PHF20: variants seen among roughly 807,000 people sequenced by gnomAD.
PHF20 encodes the protein glioma-expressed antigen 2.
Under a neutral mutation model 113.5 loss-of-function variants are expected in PHF20, and 23 were observed. The observed-to-expected ratio is 0.20, with a 90% CI of 0.15 to 0.29. The LOEUF is 0.29. PHF20 is among the 10% of genes least tolerant of loss of function. The pLI is 1.00. For missense variants in PHF20, 943 were observed against 1,219.6 expected, an observed-to-expected ratio of 0.77 and a Z score of 3.38; for synonymous variants, 434 against 457.3, an observed-to-expected ratio of 0.95 and a Z score of 0.65.
chr20:35,874,007 T>A (rs1053189947), intron 9 of PHF20, among the ~76,000 whole-genome samples: 2 of 152,256 alleles, frequency 1.3e-5, no homozygotes, highest in African/African-American at 4.8e-5. Context: ...CATTTCACTC[T>A]TGTTGCCCAG....
intron 6 of PHF20, among the ~76,000 whole-genome samples, chr20:35,866,765 A>G (rs1188195567): frequency 1.3e-5 from 2 of 152,188 alleles, no homozygotes; most frequent in African/African-American, 2.4e-5. Flanking sequence ...TTGTACCCCA[A>G]CAAGCAGACT....
At chr20:35,786,036 A>C (rs1378213839) in intron 1 of PHF20, among the ~76,000 whole-genome samples, 7 of 150,934 alleles carry the variant, frequency 4.6e-5, no homozygotes, top group Non-Finnish European at 8.9e-5. Flanking sequence ...CATCTCAAAA[A>C]AAAAAAAAAC....
At position 35,912,756 on chromosome 20, in the gene PHF20, C is replaced by T. The variant is rs1213416375; in HGVS notation, c.1562-493C>T. Among the ~76,000 whole-genome samples the T allele has an allele frequency of 3.3e-5, 5 of 152,054 alleles. No individual in the cohort carries two copies. The East Asian group carries it at 7.7e-4, about 24-fold the overall frequency. On this transcript the variant is annotated intron_variant, in intron 10 of 17. Transcript: ENST00000374012. ...CTGAGGCAGGAGAATCGCTTGAACC[C>T]GGGAGGCGGAGGTTGCAGTGAGCTG...
chr20:35,796,941 T>C (rs2041677786), intron 1 of PHF20, among the ~76,000 whole-genome samples: 1 of 152,184 alleles, frequency 6.6e-6, no homozygotes, highest in Admixed American at 6.5e-5. Context: ...TTATATAATC[T>C]GGCAGTTGTG....
At chr20:35,876,617 T>C (rs576263251) in intron 9 of PHF20, among the ~76,000 whole-genome samples, 104 of 152,214 alleles carry the variant, frequency 6.8e-4, no homozygotes, top group Non-Finnish European at 1.2e-3. Context: ...TTGTGACTGT[T>C]GTAATTGGGC....
intron 5 of PHF20, among the ~76,000 whole-genome samples, chr20:35,859,911 A>C (rs1600838242): frequency 6.6e-6 from 1 of 152,000 alleles, no homozygotes; most frequent in East Asian, 1.9e-4. Flanking sequence ...ATTCTTCTGT[A>C]TGTATATTTG....
intron 2 of PHF20, among the ~76,000 whole-genome samples, chr20:35,807,437 C>T (rs967832113): frequency 6.6e-6 from 1 of 150,664 alleles, no homozygotes; most frequent in Non-Finnish European, 1.5e-5. Context: ...ACTGCAACCT[C>T]CGCCTCCCAG....
At chr20:35,830,111 A>T (rs574526646) in intron 2 of PHF20, among the ~76,000 whole-genome samples, 90 of 151,692 alleles carry the variant, frequency 5.9e-4, no homozygotes, top group African/African-American at 2.0e-3. Context: ...ACGGGGTTTC[A>T]CCATGTTGCC....
intron 2 of PHF20, among the ~76,000 whole-genome samples, chr20:35,815,150 T>C (rs954004689): frequency 2.0e-5 from 3 of 151,974 alleles, no homozygotes; most frequent in South Asian, 2.1e-4. Context: ...TGAGCTGAGA[T>C]TGCGACACTG....
At chr20:35,778,438 A>G (rs901277156) in intron 1 of PHF20, among the ~76,000 whole-genome samples, 2 of 152,114 alleles carry the variant, frequency 1.3e-5, no homozygotes, top group African/African-American at 2.4e-5. Context: ...CTTACAGGCT[A>G]TTGACTATAG....
chr20:35,848,545 CCAGCCG>C (rs1464530033), intron 4 of PHF20, among the ~76,000 whole-genome samples: 8 of 152,046 alleles, frequency 5.3e-5, no homozygotes, highest in African/African-American at 1.9e-4. Flanking sequence ...GCCACCATGC[CCAGCCG>C]CAACTTTTTA....
chr20:35,815,820 A>T (rs772227867), intron 2 of PHF20, among the ~76,000 whole-genome samples: 2 of 152,116 alleles, frequency 1.3e-5, no homozygotes, highest in Non-Finnish European at 2.9e-5. Flanking sequence ...CTGAGCCCAG[A>T]AGGCAGAAGT....
At chr20:35,830,759 A>G (rs974858474) in intron 2 of PHF20, among the ~76,000 whole-genome samples, 11 of 150,580 alleles carry the variant, frequency 7.3e-5, no homozygotes, top group African/African-American at 2.7e-4. Flanking sequence ...TCTGGGGTAC[A>G]TGTGCAAGAT....
At chr20:35,893,409 T>G (rs187283675) in intron 9 of PHF20, among the ~76,000 whole-genome samples, 18 of 152,190 alleles carry the variant, frequency 1.2e-4, no homozygotes, top group Admixed American at 9.8e-4. Flanking sequence ...GTTCAAGCAA[T>G]TCACCTGCCT....
intron 15 of PHF20, among the ~76,000 whole-genome samples, chr20:35,933,149 C>T (rs1295383335): frequency 6.6e-6 from 1 of 151,190 alleles, no homozygotes; most frequent in Non-Finnish European, 1.5e-5. Context: ...CTTTATTTCC[C>T]AGGCTGAAGT....
At chr20:35,772,737 A>T (rs1450386017) in intron 1 of PHF20, among the ~76,000 whole-genome samples, 3 of 151,354 alleles carry the variant, frequency 2.0e-5, no homozygotes, top group Admixed American at 6.6e-5. Flanking sequence ...CTCCAATTTG[A>T]TTCTGCATTT....
At position 35,938,990 on chromosome 20, in the gene PHF20, A is replaced by C; in HGVS notation, c.2594A>C (p.Asp865Ala). 1 of 1,614,096 alleles carries C rather than the reference A, an allele frequency of 6.2e-7. No homozygotes were observed. The highest frequency in any genetic ancestry group is 8.5e-7 in the Non-Finnish European group (1 of 1,180,006). ...LVVETRGSAL[D>A]DAVNPLHENG... Reference sequence around the variant, plus strand: ...GTGGAGACGAGGGGCTCTGCCCTCGACGATGCGGTCAACCCCCTCCATGAG... The same window carrying C: ...GTGGAGACGAGGGGCTCTGCCCTCGCCGATGCGGTCAACCCCCTCCATGAG... The change falls in exon 16 of 18, where the codon GAC becomes GCC. Residue 865 changes from aspartate (D) to alanine (A), a missense_variant. By Grantham distance (126) the Asp-to-Ala change is moderately radical. Coordinates refer to ENST00000374012, the MANE Select transcript of PHF20 (RefSeq NM_016436.5).
chr20:35,944,793 C>T (rs1021533679), intron 17 of PHF20, among the ~76,000 whole-genome samples: 2 of 152,120 alleles, frequency 1.3e-5, no homozygotes, highest in African/African-American at 4.8e-5. Context: ...TCTTGAATTT[C>T]TGACCTCAGG....
At chr20:35,925,670 T>A (rs762168158) in intron 13 of PHF20, among the ~76,000 whole-genome samples, 3 of 152,066 alleles carry the variant, frequency 2.0e-5, no homozygotes, top group Non-Finnish European at 4.4e-5. Flanking sequence ...CTTAAGTCTC[T>A]GTGTGTGTTC....
Sources: gnomAD v4.1 joint callset for allele counts (sites outside exome capture counted in the v4.1 genomes callset) on GRCh38, gnomAD v4.1.1 for gene constraint, MANE v1.5 for transcripts, NCBI Gene and HGNC (gene_info 2026-07-23, HGNC 2026-07-21) for gene names.